Variants in TMEM255B observed in about 807,000 individuals in gnomAD.
TMEM255B encodes transmembrane protein 255B, also known as family with sequence similarity 70, member B.
A neutral mutation model predicts 34.5 loss-of-function variants in TMEM255B; 35 were observed. The observed-to-expected ratio is 1.01, with a 90% CI of 0.77 to 1.34. The LOEUF (loss-of-function observed/expected upper bound fraction) is 1.34. Ranked by LOEUF, TMEM255B falls within the 40% of genes most tolerant of loss-of-function variation. The pLI is 0.00. For synonymous variants in TMEM255B, 206 were observed against 201.2 expected (o/e 1.02, Z -0.20); for missense variants, 432 against 433.2 (o/e 1.00, Z 0.02).
chr13:113,796,403 TCA>T (rs1225999498), intron 4 of TMEM255B, among the ~76,000 whole-genome samples: 1 of 87,170 alleles, frequency 1.1e-5, no homozygotes, highest in Non-Finnish European at 2.2e-5. Flanking sequence ...AGCACACACC[TCA>T]CACACCACAC....
Position 113,795,249 on chromosome 13 carries a change from G to A in TMEM255B, c.342+12G>A. On this transcript the variant is annotated intron_variant, in intron 4 of 8. Transcript: ENST00000375353. ...CAGCACAGCACATTGTGAGTACATT[G>A]TCATTGTGTGCACAGTCGCTTTCCG... 1 of 1,612,234 alleles carries A rather than the reference G, an allele frequency of 6.2e-7. No homozygotes were observed. Among genetic ancestry groups the A allele is most frequent in the South Asian group, 1.1e-5 (1 of 91,018 alleles).
At position 113,813,531 on chromosome 13, in the gene TMEM255B, T is replaced by A. The variant is rs191852929; in HGVS notation, c.*1628T>A. 2 of 148,960 alleles carry A rather than the reference T, an allele frequency of 1.3e-5. No homozygotes were observed. Among genetic ancestry groups the A allele is most frequent in the Admixed American group, 1.3e-4 (2 of 15,088 alleles). The allele number at this position is 148,960 out of a possible 1,614,324, so 9.2% of individuals were successfully genotyped here. A position where few individuals can be genotyped will look rare whatever the true frequency, so the allele number is the denominator to read the frequency against. ...TGCAGACACAGCCTCCTGCCCCCTC[T>A]GCTGCCCGGGAGCCTCCCTCTGTCC... On this transcript the variant is annotated 3_prime_UTR_variant, in exon 9 of 9. Transcript: ENST00000375353.
intron 1 of TMEM255B, among the ~76,000 whole-genome samples, chr13:113,760,297 A>G (rs2050280707): frequency 6.6e-6 from 1 of 152,206 alleles, no homozygotes; most frequent in African/African-American, 2.4e-5. Context: ...CTAAAGCAAA[A>G]TGCTCTATGG....
chr13:113,775,743 G>T (rs573023176), intron 3 of TMEM255B, among the ~76,000 whole-genome samples: 243 of 152,362 alleles, frequency 1.6e-3, no homozygotes, highest in Middle Eastern at 3.4e-3. Context: ...CCAGCTCGGG[G>T]TTGGTCCTGC....
intron 3 of TMEM255B, among the ~76,000 whole-genome samples, chr13:113,791,863 T>A (rs1381729378): frequency 6.6e-6 from 1 of 152,194 alleles, no homozygotes; most frequent in Non-Finnish European, 1.5e-5. Context: ...TCTGCGTGCT[T>A]GCATCTAATG....
At chr13:113,795,335 G>T in intron 4 of TMEM255B, 98 bp downstream of exon 4, 2 of 1,299,120 alleles carry the variant, frequency 1.5e-6, no homozygotes, top group Admixed American at 4.0e-5. Context: ...AGCTCAGACG[G>T]CTTCACCGTC....
intron 3 of TMEM255B, among the ~76,000 whole-genome samples, chr13:113,783,955 G>T (rs1453404214): frequency 6.6e-6 from 1 of 152,118 alleles, no homozygotes; most frequent in Non-Finnish European, 1.5e-5. Flanking sequence ...TGAATATAGG[G>T]AACCTCTTGT....
chr13:113,764,694 G>A (rs536539475), intron 1 of TMEM255B, among the ~76,000 whole-genome samples: 134 of 152,356 alleles, frequency 8.8e-4, no homozygotes, highest in African/African-American at 3.1e-3. Context: ...TCTCACATGC[G>A]AGGATGCTCT....
intron 3 of TMEM255B, among the ~76,000 whole-genome samples, chr13:113,777,722 A>T (rs1297882266): frequency 2.0e-5 from 3 of 152,126 alleles, no homozygotes; most frequent in Non-Finnish European, 4.4e-5. Context: ...AAGGAGGGGG[A>T]TGAGCCGTCT....
At chr13:113,795,291 C>T (rs976896217) in intron 4 of TMEM255B, 54 bp downstream of exon 4, 11 of 1,557,438 alleles carry the variant, frequency 7.1e-6, no homozygotes, top group Middle Eastern at 1.7e-4. Context: ...AAAGAGTCGA[C>T]GTGAAAAAAG....
At chr13:113,774,596 A>ACCACAC (rs2050531331) in intron 3 of TMEM255B, among the ~76,000 whole-genome samples, 7 of 149,410 alleles carry the variant, frequency 4.7e-5, no homozygotes, top group Non-Finnish European at 8.9e-5. Context: ...CACAACACAC[A>ACCACAC]AATGACACAC....
chr13:113,813,005 AGTGGGTCACGGGTCCCGG>A lies in TMEM255B; in HGVS notation c.*1112_*1129del, dbSNP rs1162985142. 0.023 allele frequency: 2,343 copies of A among 103,964 alleles called. 181 individuals carry two copies. Among genetic ancestry groups the A allele is most frequent in the African/African-American group, 0.083 (1,643 of 19,750 alleles). The allele number at this position is 103,964 out of a possible 1,614,324, so 6.4% of individuals were successfully genotyped here. A position where few individuals can be genotyped will look rare whatever the true frequency, so the allele number is the denominator to read the frequency against. ...GGTCCCGGGTGGGTCACGGGTCCCGAGTGGGTCACGGGTCCCGGGTGGGTCACAGGCGCCCCAGTGACA... is the reference window on the plus strand; with the variant it reads ...GGTCCCGGGTGGGTCACGGGTCCCGAGTGGGTCACAGGCGCCCCAGTGACA... On this transcript the variant is annotated 3_prime_UTR_variant, in exon 9 of 9. Transcript: ENST00000375353.
intron 1 of TMEM255B, among the ~76,000 whole-genome samples, chr13:113,765,145 G>T (rs979183135): frequency 1.3e-5 from 2 of 152,202 alleles, no homozygotes. Flanking sequence ...AGGGTGCTGT[G>T]CCGGGGGCTG....
intron 3 of TMEM255B, among the ~76,000 whole-genome samples, chr13:113,771,042 A>C (rs1468711623): frequency 6.6e-6 from 1 of 152,214 alleles, no homozygotes; most frequent in Admixed American, 6.5e-5. Flanking sequence ...ACCCATTTAA[A>C]GCACACAATT....
intron 7 of TMEM255B, 73 bp downstream of exon 7, chr13:113,801,885 T>TG: frequency 1.4e-6 from 2 of 1,455,862 alleles, no homozygotes; most frequent in Non-Finnish European, 1.8e-6. Flanking sequence ...CGGGGTGGGC[T>TG]GGGGGGCCTC....
intron 5 of TMEM255B, among the ~76,000 whole-genome samples, 183 bp from the exon 6 acceptor site, chr13:113,800,644 G>A (rs1375845409): frequency 6.6e-6 from 1 of 152,148 alleles, no homozygotes; most frequent in Non-Finnish European, 1.5e-5. Context: ...CCTCCTGCAG[G>A]AAGGGTCCTG....
intron 1 of TMEM255B, among the ~76,000 whole-genome samples, chr13:113,759,888 C>G (rs554602982): frequency 1.3e-5 from 2 of 152,132 alleles, no homozygotes; most frequent in African/African-American, 4.8e-5. Flanking sequence ...CTTCCCAGAC[C>G]AAGCCCGCTG....
chr13:113,801,665 G>C lies in TMEM255B; in HGVS notation c.522G>C (p.Ser174=). ...CCTCTCTGTGCAGCGCAGAGCCCTCGCCCGCCTACTATGAGTTCATCGGCG... is the reference window on the plus strand; with the variant it reads ...CCTCTCTGTGCAGCGCAGAGCCCTCCCCCGCCTACTATGAGTTCATCGGCG... ...DLYACGSAEP[S]PAYYEFIGVS... The change falls in exon 7 of 9, where the codon TCG becomes TCC. Residue 174 remains serine, a synonymous_variant. Transcript: ENST00000375353. The C allele has an allele frequency of 6.2e-7, 1 of 1,609,690 alleles. No individual in the cohort carries two copies. Among genetic ancestry groups the C allele is most frequent in the Non-Finnish European group, 8.5e-7 (1 of 1,177,532 alleles).
At chr13:113,797,082 C>T (rs543287838) in intron 4 of TMEM255B, among the ~76,000 whole-genome samples, 8 of 152,212 alleles carry the variant, frequency 5.3e-5, no homozygotes, top group South Asian at 2.1e-4. Context: ...GCCGTGGCCC[C>T]GCCGAGGAGC....
Sources: allele counts gnomAD v4.1 joint callset (sites outside exome capture counted in the v4.1 genomes callset), GRCh38; gene constraint gnomAD v4.1.1; transcripts MANE v1.5; gene names NCBI Gene and HGNC (gene_info 2026-07-23, HGNC 2026-07-21).